CAMKMT: variants seen among roughly 807,000 people sequenced by gnomAD.
CAMKMT encodes CaM KMT.
In CAMKMT, 53 loss-of-function variants were observed where a neutral mutation model predicts 48.0. The ratio of observed to expected loss-of-function variants is 1.10; its 90% CI spans 0.89 to 1.39. The LOEUF is 1.39. CAMKMT is among the 40% of genes most tolerant of loss of function. The pLI, the probability that CAMKMT is intolerant of heterozygous loss-of-function variation, is 0.00. For synonymous variants in CAMKMT, 165 were observed against 152.3 expected (o/e 1.08, Z -0.61); for missense variants, 428 against 402.7 (o/e 1.06, Z -0.54).
intron 3 of CAMKMT, among the ~76,000 whole-genome samples, chr2:44,647,907 CAAAA>C (rs756753917): frequency 3.4e-5 from 1 of 29,518 alleles, no homozygotes; most frequent in Non-Finnish European, 7.0e-5. Context: ...GACTCCGTCT[CAAAA>C]AAAAAAAAAA....
chr2:44,591,710 T>G (rs1207985800), intron 3 of CAMKMT, among the ~76,000 whole-genome samples: 2 of 151,384 alleles, frequency 1.3e-5, no homozygotes, highest in Admixed American at 1.3e-4. Flanking sequence ...ATCCCATTAC[T>G]GGGTATATAC....
chr2:44,544,733 C>T (rs1435280112), intron 3 of CAMKMT, among the ~76,000 whole-genome samples: 3 of 152,128 alleles, frequency 2.0e-5, no homozygotes, highest in East Asian at 3.8e-4. Flanking sequence ...CTCATCAACC[C>T]ATTTAAAACA....
chr2:44,768,734 C>T (rs1057320213), intron 10 of CAMKMT, among the ~76,000 whole-genome samples: 12 of 152,202 alleles, frequency 7.9e-5, no homozygotes, highest in Non-Finnish European at 1.0e-4. Context: ...TGGCCGCGTG[C>T]TAATAGCCAG....
rs191587824 is a variant in CAMKMT, at chr2:44,766,509, G to A, written c.842G>A (p.Cys281Tyr). The change falls in exon 10 of 11, where the codon TGT (cysteine) becomes TAT (tyrosine). Residue 281 changes from cysteine to tyrosine, a missense_variant. By Grantham distance (194) the Cys-to-Tyr change is radical. Coordinates refer to ENST00000378494, the MANE Select transcript of CAMKMT (RefSeq NM_024766.5). Reference sequence around the variant, plus strand: ...AATCTAGCTGAAAAAGCTGGTTTCTGTATCCAAAGACATGAAAATTATGAT... The same window carrying A: ...AATCTAGCTGAAAAAGCTGGTTTCTATATCCAAAGACATGAAAATTATGAT... Reference protein sequence around the residue: ...FCNLAEKAGFCIQRHENYDEH... With the variant: ...FCNLAEKAGFYIQRHENYDEH... The A allele has an allele frequency of 6.2e-7, 1 of 1,614,118 alleles. No individual in the cohort carries two copies. Among genetic ancestry groups the A allele is most frequent in the East Asian group, 2.2e-5 (1 of 44,868 alleles).
intron 3 of CAMKMT, among the ~76,000 whole-genome samples, chr2:44,418,398 A>G (rs902731095): frequency 3.3e-5 from 5 of 151,970 alleles, no homozygotes; most frequent in African/African-American, 1.2e-4. Context: ...TAATATATAC[A>G]TATAACATGA....
At chr2:44,664,458 G>T (rs1674849704) in intron 3 of CAMKMT, among the ~76,000 whole-genome samples, 1 of 152,216 alleles carries the variant, frequency 6.6e-6, no homozygotes, top group African/African-American at 2.4e-5. Flanking sequence ...GCTAAGCTCA[G>T]TGCTGGGTAT....
At chr2:44,524,517 C>T (rs931952057) in intron 3 of CAMKMT, among the ~76,000 whole-genome samples, 30 of 151,160 alleles carry the variant, frequency 2.0e-4, no homozygotes, top group Admixed American at 2.0e-3. Flanking sequence ...CCTTCTCCTC[C>T]TCCTTTCTTT....
intron 3 of CAMKMT, among the ~76,000 whole-genome samples, chr2:44,511,412 C>G (rs1670545253): frequency 6.6e-6 from 1 of 152,310 alleles, no homozygotes; most frequent in African/African-American, 2.4e-5. Context: ...CCTCAGCTAC[C>G]TGAGTAGCTG....
intron 3 of CAMKMT, among the ~76,000 whole-genome samples, chr2:44,526,141 A>C (rs2104812444): frequency 6.6e-6 from 1 of 151,734 alleles, no homozygotes; most frequent in East Asian, 2.0e-4. Flanking sequence ...TCACAAGGAC[A>C]AAAAACCTCT....
chr2:44,403,514 G>A (rs534253697), intron 3 of CAMKMT, among the ~76,000 whole-genome samples: 3 of 152,262 alleles, frequency 2.0e-5, no homozygotes, highest in South Asian at 2.1e-4. Context: ...TACTCTACTC[G>A]TAGACATGTA....
At chr2:44,521,637 A>G (rs1284429151) in intron 3 of CAMKMT, among the ~76,000 whole-genome samples, 2 of 152,230 alleles carry the variant, frequency 1.3e-5, no homozygotes, top group Non-Finnish European at 2.9e-5. Context: ...CAACTTGCCT[A>G]GAATTATGTA....
intron 7 of CAMKMT, among the ~76,000 whole-genome samples, chr2:44,740,296 T>C (rs1258080920): frequency 2.0e-5 from 3 of 151,902 alleles, no homozygotes; most frequent in African/African-American, 7.3e-5. Flanking sequence ...ACCCAGCTAA[T>C]TTTTTGTATT....
Position 44,543,247 on chromosome 2 carries a change from A to AT in CAMKMT, c.376+152943dup, listed in dbSNP as rs147526101. Among the ~76,000 whole-genome samples the AT allele has an allele frequency of 6.2e-3, 938 of 152,312 alleles. 8 individuals carry two copies. The highest frequency in any genetic ancestry group is 0.019 in the African/African-American group (791 of 41,566). On this transcript the variant is annotated intron_variant, in intron 3 of 10. Transcript: ENST00000378494. ...ACAGAAGTGCCTTCTTTTAGTGTAA[A>AT]TAGTGGCTCATTTAGTGCCTTTTAG... is the stretch of plus-strand genomic sequence containing the variant.
chr2:44,592,554 A>G (rs1045373053), intron 3 of CAMKMT, among the ~76,000 whole-genome samples: 3 of 152,228 alleles, frequency 2.0e-5, no homozygotes, highest in Non-Finnish European at 2.9e-5. Flanking sequence ...CCAAAGTGCA[A>G]GACCAACGAT....
intron 3 of CAMKMT, among the ~76,000 whole-genome samples, chr2:44,465,436 A>G (rs1309066733): frequency 3.9e-5 from 6 of 152,140 alleles, no homozygotes; most frequent in Admixed American, 1.3e-4. Flanking sequence ...CGTCTCTACT[A>G]AAAATACAAA....
intron 3 of CAMKMT, among the ~76,000 whole-genome samples, chr2:44,630,692 A>G (rs1672760758): frequency 6.6e-6 from 1 of 151,514 alleles, no homozygotes; most frequent in Admixed American, 6.6e-5. Context: ...CAAAACCACA[A>G]TGAGATATCA....
chr2:44,504,517 G>A (rs149693750), intron 3 of CAMKMT, among the ~76,000 whole-genome samples: 3,940 of 152,236 alleles, frequency 0.026, 79 homozygotes, highest in Non-Finnish European at 0.042. Flanking sequence ...GGATGCCTAT[G>A]ATGTGCTTCT....
intron 3 of CAMKMT, among the ~76,000 whole-genome samples, chr2:44,574,080 A>C (rs1463867807): frequency 6.6e-6 from 1 of 152,220 alleles, no homozygotes; most frequent in Non-Finnish European, 1.5e-5. Flanking sequence ...AGTATATTAC[A>C]GTTTACCCAG....
At chr2:44,577,512 G>T (rs893308600) in intron 3 of CAMKMT, among the ~76,000 whole-genome samples, 1 of 152,086 alleles carries the variant, frequency 6.6e-6, no homozygotes, top group Non-Finnish European at 1.5e-5. Flanking sequence ...GCAGCTACCT[G>T]GGAGGCTGAG....
Sources: allele counts gnomAD v4.1 joint callset (sites outside exome capture counted in the v4.1 genomes callset), GRCh38; gene constraint gnomAD v4.1.1; transcripts MANE v1.5; gene names NCBI Gene and HGNC (gene_info 2026-07-23, HGNC 2026-07-21).